The following WWOX variants were observed in gnomAD, a reference collection of about 807,000 sequenced individuals.
WWOX encodes WW domain containing oxidoreductase.
A neutral mutation model predicts 46.2 loss-of-function variants in WWOX; 69 were observed. The ratio of observed to expected loss-of-function variants is 1.49; its 90% CI spans 1.23 to 1.82. The LOEUF (loss-of-function observed/expected upper bound fraction) is 1.82, where lower values mean the gene tolerates loss of function less well. Ranked by LOEUF, WWOX falls within the 40% of genes most tolerant of loss-of-function variation. The pLI is 0.00. For synonymous variants in WWOX, 359 were observed against 202.6 expected, an observed-to-expected ratio of 1.77 and a Z score of -6.56; for missense variants, 919 against 542.6, an observed-to-expected ratio of 1.69 and a Z score of -6.89.
At chr16:78,171,680 C>G (rs911465714) in intron 5 of WWOX, among the ~76,000 whole-genome samples, 2 of 152,072 alleles carry the variant, frequency 1.3e-5, no homozygotes, top group Non-Finnish European at 2.9e-5. Flanking sequence ...AGAGCGCATC[C>G]TAAATCAGCC....
At chr16:78,314,701 G>GTTTTTTTTTTTTTTTTTT (rs920575863) in intron 5 of WWOX, among the ~76,000 whole-genome samples, 84 of 61,276 alleles carry the variant, frequency 1.4e-3, no homozygotes, top group African/African-American at 5.7e-3. Context: ...TTTTTTTTTT[G>GTTTTTTTTTTTTTTTTTT]TTTTTTTTTT....
At chr16:78,736,053 C>G (rs2049084341) in intron 8 of WWOX, among the ~76,000 whole-genome samples, 1 of 152,180 alleles carries the variant, frequency 6.6e-6, no homozygotes, top group Admixed American at 6.5e-5. Flanking sequence ...GAGATGAAGA[C>G]AGGGATTCGG....
intron 4 of WWOX, among the ~76,000 whole-genome samples, chr16:78,144,446 T>TATATATATATATATATATATAC: frequency 1.0e-4 from 1 of 9,964 alleles, no homozygotes; most frequent in South Asian, 4.3e-3. Flanking sequence ...TATATATATA[T>TATATATATATATATATATATAC]ACACATATAT....
At chr16:78,449,753 A>C (rs1398632479) in intron 8 of WWOX, among the ~76,000 whole-genome samples, 1 of 152,186 alleles carries the variant, frequency 6.6e-6, no homozygotes, top group South Asian at 2.1e-4. Context: ...ACTGGTAGAT[A>C]ATGTATCCTA....
chr16:78,783,728 GAT>G (rs2050385628), intron 8 of WWOX, among the ~76,000 whole-genome samples: 1 of 77,342 alleles, frequency 1.3e-5, no homozygotes, highest in Admixed American at 1.4e-4. Flanking sequence ...TGATGATGTT[GAT>G]GTTGATGATG....
intron 8 of WWOX, among the ~76,000 whole-genome samples, chr16:79,043,717 T>C (rs892345278): frequency 6.6e-6 from 1 of 152,242 alleles, no homozygotes; most frequent in Non-Finnish European, 1.5e-5. Context: ...GGAAGATTCA[T>C]AACCAGGGAA....
Position 78,114,957 on chromosome 16 carries a change from T to G in WWOX, c.231-19T>G. 6.2e-7 allele frequency: 1 copy of G among 1,614,172 alleles called. No individual in the cohort carries two copies. Among genetic ancestry groups the G allele is most frequent in the Non-Finnish European group, 8.5e-7 (1 of 1,179,998 alleles). On this transcript the variant is annotated intron_variant, in intron 3 of 8. Transcript: ENST00000566780. ...CCTGTGTTCATTGCTGTGGGTTCAC[T>G]GCTTTCTCTTTTGGGCAGCCATATA...
intron 5 of WWOX, among the ~76,000 whole-genome samples, chr16:78,370,976 A>ATGTT (rs776317489): frequency 2.3e-5 from 3 of 128,574 alleles, no homozygotes; most frequent in South Asian, 2.5e-4. Flanking sequence ...CTGTGTTGTG[A>ATGTT]TTTCTTTTTT....
intron 8 of WWOX, among the ~76,000 whole-genome samples, chr16:78,967,828 G>C (rs1394686035): frequency 6.6e-6 from 1 of 152,102 alleles, no homozygotes; most frequent in Non-Finnish European, 1.5e-5. Context: ...GGATGGGAGA[G>C]GATGGGAGTG....
chr16:78,527,465 T>C lies in WWOX; in HGVS notation c.1056+94713T>C, dbSNP rs1195658141. Reference sequence around the variant, plus strand: ...TCCACCATCACACCTGGCTAATTTTTGTATTTTTTGTAGAGGTGGAGTTTC... The same window carrying C: ...TCCACCATCACACCTGGCTAATTTTCGTATTTTTTGTAGAGGTGGAGTTTC... On this transcript the variant is annotated intron_variant, in intron 8 of 8. Coordinates refer to ENST00000566780, the MANE Select transcript of WWOX (RefSeq NM_016373.4). 2.6e-5 allele frequency among the ~76,000 whole-genome samples: 4 copies of C among 152,018 alleles called. No individual in the cohort carries two copies. In the East Asian group the frequency reaches 5.8e-4, roughly 22 times the overall value.
intron 8 of WWOX, among the ~76,000 whole-genome samples, chr16:79,020,119 G>C (rs935228468): frequency 4.6e-5 from 7 of 152,180 alleles, no homozygotes; most frequent in Non-Finnish European, 1.0e-4. Context: ...ACTACTACAT[G>C]CTAGATCTCT....
chr16:78,638,899 G>T (rs1429630006), intron 8 of WWOX, among the ~76,000 whole-genome samples: 1 of 152,030 alleles, frequency 6.6e-6, no homozygotes, highest in Non-Finnish European at 1.5e-5. Flanking sequence ...CATGGAAAAA[G>T]AACTTTGAAG....
rs548659292 is a variant in WWOX at position 78,291,898 on chromosome 16, C to T, written c.517-94962C>T. 2.2e-4 allele frequency among the ~76,000 whole-genome samples: 34 copies of T among 152,048 alleles called. 1 individual carries two copies. Among genetic ancestry groups the T allele is most frequent in the Admixed American group, 1.8e-3 (28 of 15,264 alleles). On this transcript the variant is annotated intron_variant, in intron 5 of 8. Coordinates refer to ENST00000566780, the MANE Select transcript of WWOX (RefSeq NM_016373.4). ...GGAGGGAATTCCCCTTTTGTGCCTT[C>T]GGGATTGATAGAGAAGCCCAGTGGA...
intron 6 of WWOX, among the ~76,000 whole-genome samples, chr16:78,406,341 TATATATATA>T (rs2082541380): frequency 1.8e-4 from 19 of 106,518 alleles, no homozygotes; most frequent in African/African-American, 1.0e-3. Context: ...TATATATATA[TATATATATA>T]TATATTTTAT....
chr16:78,407,421 A>C (rs1333998499), intron 6 of WWOX, among the ~76,000 whole-genome samples: 1 of 152,212 alleles, frequency 6.6e-6, no homozygotes, highest in Non-Finnish European at 1.5e-5. Context: ...GAATCCCCCA[A>C]AGCCACAATT....
chr16:79,043,084 C>A (rs1489292705), intron 8 of WWOX, among the ~76,000 whole-genome samples: 2 of 152,152 alleles, frequency 1.3e-5, no homozygotes, highest in Non-Finnish European at 2.9e-5. Flanking sequence ...ACTGCCATTT[C>A]CTCTGTGGTA....
rs182856694 is a variant in WWOX at position 79,007,699 on chromosome 16, A to G, written c.1057-203909A>G. ...TCAGATGAAGAAGTAGATTTCATCAAGTGACTCACCCGGTATCATATAGCT... is the reference window on the plus strand; with the variant it reads ...TCAGATGAAGAAGTAGATTTCATCAGGTGACTCACCCGGTATCATATAGCT... On this transcript the variant is annotated intron_variant, in intron 8 of 8. Transcript: ENST00000566780. Among the ~76,000 whole-genome samples the G allele has an allele frequency of 4.0e-3, 609 of 152,352 alleles. 4 individuals carry two copies. Among genetic ancestry groups the G allele is most frequent in the African/African-American group, 0.013 (561 of 41,592 alleles).
intron 5 of WWOX, among the ~76,000 whole-genome samples, chr16:78,239,453 G>C (rs143346477): frequency 6.6e-6 from 1 of 152,266 alleles, no homozygotes; most frequent in African/African-American, 2.4e-5. Context: ...GTGTGTTATT[G>C]TCAAGGGATC....
intron 8 of WWOX, among the ~76,000 whole-genome samples, chr16:78,763,110 A>G (rs759029811): frequency 6.6e-6 from 1 of 152,206 alleles, no homozygotes; most frequent in Non-Finnish European, 1.5e-5. Context: ...CCAAAGCACT[A>G]TTGTAGGCTG....
Sources: gnomAD v4.1 joint callset for allele counts (sites outside exome capture counted in the v4.1 genomes callset) on GRCh38, gnomAD v4.1.1 for gene constraint, MANE v1.5 for transcripts, NCBI Gene and HGNC (gene_info 2026-07-23, HGNC 2026-07-21) for gene names.